The following EFCAB11 variants were observed in gnomAD, a reference collection of about 807,000 sequenced individuals.
The protein encoded by EFCAB11 is EF-hand calcium binding domain 11, also known as EF-hand calcium-binding domain-containing protein 11.
Under a neutral mutation model 23.0 loss-of-function variants are expected in EFCAB11, and 14 were observed. The observed-to-expected ratio is 0.61, with a 90% CI of 0.40 to 0.95. The LOEUF (loss-of-function observed/expected upper bound fraction) is 0.95. Among genes scored for constraint, EFCAB11 ranks in the 40% least tolerant of loss-of-function variants. The pLI is 0.00. For synonymous variants in EFCAB11, 65 were observed against 66.6 expected, an observed-to-expected ratio of 0.98 and a Z score of 0.11; for missense variants, 198 against 195.8, an observed-to-expected ratio of 1.01 and a Z score of -0.07.
intron 5 of EFCAB11, among the ~76,000 whole-genome samples, chr14:89,840,832 TG>T (rs1887237573): frequency 1.3e-5 from 2 of 152,272 alleles, no homozygotes; most frequent in African/African-American, 2.4e-5. Flanking sequence ...GGTCAGAAAA[TG>T]ATGTTTTGGT....
chr14:89,931,682 C>T, intron 4 of EFCAB11, 51 bp from the exon 5 acceptor site: 7 of 1,480,184 alleles, frequency 4.7e-6, no homozygotes, highest in Non-Finnish European at 6.6e-6. Flanking sequence ...GACCTATCAA[C>T]TGTTACTTCA....
chr14:89,836,511 C>T, intron 5 of EFCAB11: 1 of 455,712 alleles, frequency 2.2e-6, no homozygotes, highest in South Asian at 1.6e-5. Flanking sequence ...GCGGTGTGTC[C>T]ACACAGTGTG....
chr14:89,811,030 C>T (rs1886134595), intron 5 of EFCAB11, among the ~76,000 whole-genome samples: 1 of 151,802 alleles, frequency 6.6e-6, no homozygotes, highest in African/African-American at 2.4e-5. Flanking sequence ...GACATAGGGG[C>T]GAGAACTGGG....
chr14:89,821,924 T>C (rs2140102746), intron 5 of EFCAB11, among the ~76,000 whole-genome samples: 1 of 152,320 alleles, frequency 6.6e-6, no homozygotes, highest in South Asian at 2.1e-4. Context: ...CAAAATATCA[T>C]TCAAATTTAG....
At chr14:89,949,356 A>G (rs1036105823) in intron 3 of EFCAB11, among the ~76,000 whole-genome samples, 1 of 152,102 alleles carries the variant, frequency 6.6e-6, no homozygotes, top group Non-Finnish European at 1.5e-5. Flanking sequence ...ATAATGCTAT[A>G]TAGTTTTTAT....
intron 5 of EFCAB11, chr14:89,924,243 TG>T: frequency 1.0e-6 from 1 of 994,044 alleles, no homozygotes; most frequent in Non-Finnish European, 1.2e-6. Context: ...CCTTCCCTTG[TG>T]TAATATGAAG....
chr14:89,842,632 GATATGATATA>G (rs1244961522), intron 5 of EFCAB11, among the ~76,000 whole-genome samples: 21 of 21,152 alleles, frequency 9.9e-4, no homozygotes, highest in African/African-American at 2.4e-3. Flanking sequence ...GATATGATAT[GATATGATATA>G]ATATAATGTC....
intron 5 of EFCAB11, among the ~76,000 whole-genome samples, chr14:89,863,396 G>A (rs1049755762): frequency 6.6e-6 from 1 of 152,154 alleles, no homozygotes; most frequent in South Asian, 2.1e-4. Context: ...AAATTCAACT[G>A]CAAAAGCAAA....
At chr14:89,817,704 A>G (rs116887643) in intron 5 of EFCAB11, among the ~76,000 whole-genome samples, 3,505 of 152,258 alleles carry the variant, frequency 0.023, 65 homozygotes, top group Non-Finnish European at 0.038. Context: ...AGTAAAATGC[A>G]GTTGCAAGGC....
intron 5 of EFCAB11, among the ~76,000 whole-genome samples, chr14:89,841,842 C>A (rs1887278757): frequency 6.6e-6 from 1 of 152,118 alleles, no homozygotes; most frequent in Admixed American, 6.5e-5. Context: ...CAGCCCATGG[C>A]TTCAGTTACA....
chr14:89,863,134 A>G (rs1446948444), intron 5 of EFCAB11, among the ~76,000 whole-genome samples: 3 of 152,224 alleles, frequency 2.0e-5, no homozygotes, highest in African/African-American at 7.2e-5. Flanking sequence ...AGTAAAGGAC[A>G]GGAAATAACT....
chr14:89,879,122 A>T (rs1037575444), intron 5 of EFCAB11, among the ~76,000 whole-genome samples: 6 of 149,884 alleles, frequency 4.0e-5, no homozygotes, highest in African/African-American at 1.5e-4. Flanking sequence ...TATTTAGCCC[A>T]TTTTTTTTTC....
At chr14:89,917,053 CGTGT>C (rs71107570) in intron 5 of EFCAB11, among the ~76,000 whole-genome samples, 5,413 of 136,592 alleles carry the variant, frequency 0.04, 106 homozygotes, top group Admixed American at 0.1. Context: ...TGACATGCTT[CGTGT>C]GTGTGTGTGT....
chr14:89,862,740 T>C (rs1887963605), intron 5 of EFCAB11, among the ~76,000 whole-genome samples: 1 of 152,226 alleles, frequency 6.6e-6, no homozygotes, highest in Non-Finnish European at 1.5e-5. Flanking sequence ...AACATGTTAA[T>C]GTATCATAGA....
chr14:89,831,934 G>A (rs2140115138), intron 5 of EFCAB11, among the ~76,000 whole-genome samples: 1 of 152,268 alleles, frequency 6.6e-6, no homozygotes, highest in South Asian at 2.1e-4. Context: ...TATGGAGCGG[G>A]TGGTGGTGAA....
intron 5 of EFCAB11, among the ~76,000 whole-genome samples, chr14:89,860,611 A>G (rs1198259771): frequency 1.3e-5 from 2 of 152,254 alleles, no homozygotes; most frequent in Non-Finnish European, 2.9e-5. Flanking sequence ...TCTACTAGGC[A>G]TAAAATAAGC....
In EFCAB11 at chr14:89,855,431, G is replaced by C. The variant is rs150496720; in HGVS notation, c.411-58107C>G. Among the ~76,000 whole-genome samples the C allele has an allele frequency of 2.6e-3, 395 of 152,054 alleles. 3 individuals are homozygous for C. Among genetic ancestry groups the C allele is most frequent in the African/African-American group, 9.0e-3 (372 of 41,456 alleles). On this transcript the variant is annotated intron_variant, in intron 5 of 5. Coordinates refer to ENST00000316738, the MANE Select transcript of EFCAB11 (RefSeq NM_145231.4). ...GTTGAGGCTGCAGTGAGCCATGATC[G>C]TGCCTCTGTACTCCAGCCTGGGCAA...
intron 3 of EFCAB11, among the ~76,000 whole-genome samples, chr14:89,938,951 C>T (rs1436568819): frequency 8.4e-6 from 1 of 119,604 alleles, no homozygotes; most frequent in Non-Finnish European, 1.7e-5. Flanking sequence ...AAAAACAAAA[C>T]AACAACAACA....
intron 5 of EFCAB11, among the ~76,000 whole-genome samples, chr14:89,919,423 G>C (rs1306787401): frequency 6.6e-6 from 1 of 152,140 alleles, no homozygotes; most frequent in Admixed American, 6.5e-5. Context: ...TGAAGATAAG[G>C]AGGAAAAAGT....
Sources: gnomAD v4.1 joint callset for allele counts (sites outside exome capture counted in the v4.1 genomes callset) on GRCh38, gnomAD v4.1.1 for gene constraint, MANE v1.5 for transcripts, NCBI Gene and HGNC (gene_info 2026-07-23, HGNC 2026-07-21) for gene names.